Variants in RMND5A observed in about 807,000 individuals in gnomAD.
RMND5A encodes the protein E3 ubiquitin-protein transferase RMND5A.
In RMND5A, 17 loss-of-function variants were observed where a neutral mutation model predicts 49.7. That is an observed-to-expected ratio of 0.34 (90% CI 0.23 to 0.51). RMND5A has a LOEUF of 0.51. Ranked by LOEUF, RMND5A falls within the 20% of genes least tolerant of loss-of-function variation. The pLI is 0.96. For synonymous variants in RMND5A, 156 were observed against 167.7 expected (o/e 0.93, Z 0.54); for missense variants, 255 against 471.3 (o/e 0.54, Z 4.25).
intron 6 of RMND5A, 120 bp from the exon 7 acceptor site, chr2:86,769,903 T>G: frequency 1.5e-6 from 1 of 689,244 alleles, no homozygotes; most frequent in South Asian, 1.8e-5. Context: ...AACAGAAAGC[T>G]CTCACCCTGT....
intron 8 of RMND5A, among the ~76,000 whole-genome samples, chr2:86,772,189 C>T (rs1420298518): frequency 6.6e-6 from 1 of 152,186 alleles, no homozygotes; most frequent in African/African-American, 2.4e-5. Flanking sequence ...GTGGCTTATG[C>T]CTGTAATCCC....
At chr2:86,746,724 G>C (rs1039605968) in intron 2 of RMND5A, among the ~76,000 whole-genome samples, 2 of 152,216 alleles carry the variant, frequency 1.3e-5, no homozygotes, top group East Asian at 1.9e-4. Context: ...ATCCTTGGAA[G>C]AATTAATAAA....
In RMND5A at chr2:86,765,107, GC is replaced by G; in HGVS notation, c.603del (p.Leu202CysfsTer2). The G allele has an allele frequency of 6.2e-7, 1 of 1,614,024 alleles. No individual in the cohort carries two copies. Among genetic ancestry groups the G allele is most frequent in the Non-Finnish European group, 8.5e-7 (1 of 1,179,978 alleles). ...AAGCTACACAGACTGTATTTTATTA[GC>G]TTGTTAATGGGTGGAACCACAAATC... ...EFKLHRLYFI[S>X]LLMGGTTNQR... On this transcript the variant is annotated frameshift_variant, in exon 5 of 9. Coordinates refer to ENST00000283632, the MANE Select transcript of RMND5A (RefSeq NM_022780.4). LOFTEE classifies it high-confidence loss of function.
At chr2:86,751,702 A>G (rs1187577789) in intron 2 of RMND5A, among the ~76,000 whole-genome samples, 194 bp from the exon 3 acceptor site, 1 of 152,174 alleles carries the variant, frequency 6.6e-6, no homozygotes, top group African/African-American at 2.4e-5. Context: ...CATTATCTAA[A>G]AATATACCTA....
chr2:86,745,335 C>T (rs1681518649), intron 2 of RMND5A, among the ~76,000 whole-genome samples: 1 of 152,070 alleles, frequency 6.6e-6, no homozygotes, highest in African/African-American at 2.4e-5. Context: ...AATTCTGAGG[C>T]TACATGAAAG....
intron 4 of RMND5A, 91 bp from the exon 5 acceptor site, chr2:86,764,936 G>GC: frequency 8.0e-7 from 1 of 1,245,448 alleles, no homozygotes; most frequent in Non-Finnish European, 1.1e-6. Context: ...GGCAGACCAA[G>GC]CCCCTTTTTT....
At chr2:86,761,625 T>A (rs922717417) in intron 4 of RMND5A, among the ~76,000 whole-genome samples, 2 of 152,198 alleles carry the variant, frequency 1.3e-5, no homozygotes, top group African/African-American at 4.8e-5. Context: ...TTAGTCTTAA[T>A]ATAGTATTAA....
In RMND5A at chr2:86,775,181, A is replaced by C. The variant is rs558662948; in HGVS notation, c.*1770A>C. 25 of 152,358 alleles carry C rather than the reference A, an allele frequency of 1.6e-4. No individual in the cohort carries two copies. Among genetic ancestry groups the C allele is most frequent in the African/African-American group, 5.5e-4 (23 of 41,572 alleles). The allele number at this position is 152,358 out of a possible 1,614,324, so 9.4% of individuals were successfully genotyped here. A position where few individuals can be genotyped will look rare whatever the true frequency, so the allele number is the denominator to read the frequency against. ...CCCCCTCTCTTTGCTAAAGCAGTGA[A>C]GGAAGAGAACAGAGACAAACTCTTT... On this transcript the variant is annotated 3_prime_UTR_variant, in exon 9 of 9. Transcript: ENST00000283632.
intron 4 of RMND5A, among the ~76,000 whole-genome samples, chr2:86,761,375 T>TAA (rs1192608527): frequency 6.6e-6 from 1 of 152,162 alleles, no homozygotes; most frequent in Non-Finnish European, 1.5e-5. Flanking sequence ...AACCTATGCT[T>TAA]ATTTGGCCAG....
At chr2:86,756,486 A>G (rs1283419690) in intron 4 of RMND5A, among the ~76,000 whole-genome samples, 2 of 152,220 alleles carry the variant, frequency 1.3e-5, no homozygotes, top group African/African-American at 4.8e-5. Context: ...TATTTGACCA[A>G]TCTTGTTTTC....
At chr2:86,771,001 C>T (rs1558727941) in intron 7 of RMND5A, among the ~76,000 whole-genome samples, 1 of 152,174 alleles carries the variant, frequency 6.6e-6, no homozygotes, top group Non-Finnish European at 1.5e-5. Flanking sequence ...TTGCAGTTAC[C>T]TTGTTCTTCC....
rs1373848734 is a variant in RMND5A at position 86,725,695 on chromosome 2, G to GA, written c.142+4892dup. On this transcript the variant is annotated intron_variant, in intron 1 of 8. Transcript: ENST00000283632. ...CGTGAGCCACTGCGCCCGACCTCCA[G>GA]AAAAAATTTTAAAAGAATCCAGTGA... is the stretch of plus-strand genomic sequence containing the variant. Among the ~76,000 whole-genome samples, 2 of 79,022 alleles carry GA rather than the reference G, an allele frequency of 2.5e-5. 1 individual carries two copies. The allele number at this position is 79,022 out of a possible 152,430, so 51.8% of individuals were successfully genotyped here.
At chr2:86,748,768 A>C (rs1391134612) in intron 2 of RMND5A, among the ~76,000 whole-genome samples, 1 of 152,226 alleles carries the variant, frequency 6.6e-6, no homozygotes. Flanking sequence ...ATTACCGGAT[A>C]AAATTGTTTC....
chr2:86,753,305 G>T (rs1295975630), intron 3 of RMND5A, among the ~76,000 whole-genome samples, 153 bp from the exon 4 acceptor site: 2 of 152,188 alleles, frequency 1.3e-5, no homozygotes, highest in African/African-American at 4.8e-5. Context: ...GAAAAGAGGG[G>T]AAGAATGTAC....
At chr2:86,766,968 A>G (rs1672609165) in intron 6 of RMND5A, among the ~76,000 whole-genome samples, 1 of 152,224 alleles carries the variant, frequency 6.6e-6, no homozygotes, top group South Asian at 2.1e-4. Flanking sequence ...GTTTCATGTC[A>G]AAGTATGGTA....
chr2:86,734,840 C>CT (rs1161632601), intron 1 of RMND5A, among the ~76,000 whole-genome samples: 1 of 148,582 alleles, frequency 6.7e-6, no homozygotes, highest in Non-Finnish European at 1.5e-5. Context: ...GGTATGACTT[C>CT]TTTTTAAAAA....
chr2:86,750,075 T>C (rs1206424127), intron 2 of RMND5A, among the ~76,000 whole-genome samples: 1 of 152,248 alleles, frequency 6.6e-6, no homozygotes, highest in African/African-American at 2.4e-5. Context: ...TAAATCTAAA[T>C]GGCCTTGTCT....
intron 2 of RMND5A, among the ~76,000 whole-genome samples, chr2:86,743,438 A>G (rs1213700153): frequency 2.0e-5 from 3 of 151,334 alleles, no homozygotes; most frequent in African/African-American, 7.3e-5. Context: ...TTTCAAAAAA[A>G]TTGGGGTGTT....
intron 2 of RMND5A, among the ~76,000 whole-genome samples, chr2:86,747,369 G>T (rs1382162160): frequency 6.6e-6 from 1 of 152,128 alleles, no homozygotes; most frequent in African/African-American, 2.4e-5. Context: ...TTATTGAGAG[G>T]TGTGTGTTTG....
Sources: allele counts gnomAD v4.1 joint callset (sites outside exome capture counted in the v4.1 genomes callset), GRCh38; gene constraint gnomAD v4.1.1; transcripts MANE v1.5; gene names NCBI Gene and HGNC (gene_info 2026-07-23, HGNC 2026-07-21).